Variants in MATN2 observed in about 807,000 individuals in gnomAD.
The protein encoded by MATN2 is matrilin 2.
MATN2 carries 69 observed loss-of-function variants against 103.2 expected under a neutral mutation model. The observed-to-expected ratio is 0.67, with a 90% confidence interval of 0.55 to 0.82. MATN2 has a LOEUF of 0.82. Among genes scored for constraint, MATN2 ranks in the 40% least tolerant of loss-of-function variants. The probability of loss-of-function intolerance (pLI) is 0.00; values close to 1 mark genes in which losing one functional copy is unlikely to be tolerated. For missense variants in MATN2, 1,023 were observed against 1,211.5 expected, an observed-to-expected ratio of 0.84 and a Z score of 2.31; for synonymous variants, 429 against 450.2, an observed-to-expected ratio of 0.95 and a Z score of 0.60.
intron 15 of MATN2, among the ~76,000 whole-genome samples, chr8:98,031,004 G>A (rs1176997641): frequency 2.0e-5 from 3 of 152,102 alleles, no homozygotes; most frequent in African/African-American, 7.2e-5. Flanking sequence ...AAAAAAAAGT[G>A]TCTCCTTCAT....
At chr8:97,970,226 G>A (rs1040683715) in intron 5 of MATN2, among the ~76,000 whole-genome samples, 3 of 152,154 alleles carry the variant, frequency 2.0e-5, no homozygotes, top group Admixed American at 6.5e-5. Flanking sequence ...GGTAGTAATC[G>A]TTGGGTCATT....
At chr8:97,979,872 T>C (rs934342468) in intron 6 of MATN2, among the ~76,000 whole-genome samples, 10 of 152,226 alleles carry the variant, frequency 6.6e-5, no homozygotes. Context: ...GTATTCACTA[T>C]GTAAAACAGG....
chr8:97,964,594 G>A (rs1352030406), intron 5 of MATN2, among the ~76,000 whole-genome samples: 1 of 150,728 alleles, frequency 6.6e-6, no homozygotes, highest in Non-Finnish European at 1.5e-5. Context: ...GTGCACCACT[G>A]TGCCCAGCTA....
chr8:97,917,458 C>A (rs73698692), intron 2 of MATN2, among the ~76,000 whole-genome samples: 16,217 of 152,222 alleles, frequency 0.11, 2,885 homozygotes, highest in African/African-American at 0.37. Context: ...TTGAGAGAAG[C>A]ACACGGTGCC....
At chr8:97,964,685 T>C (rs981053767) in intron 5 of MATN2, among the ~76,000 whole-genome samples, 6 of 152,146 alleles carry the variant, frequency 3.9e-5, no homozygotes, top group African/African-American at 1.2e-4. Context: ...TCCTCCTGCC[T>C]TGGCCTCCCA....
At chr8:97,886,069 C>T (rs1044910682) in intron 1 of MATN2, among the ~76,000 whole-genome samples, 1 of 152,110 alleles carries the variant, frequency 6.6e-6, no homozygotes, top group Admixed American at 6.6e-5. Context: ...TGCTGCTGCA[C>T]AAATTAAGGC....
rs373744372 is a variant in MATN2, at chr8:97,967,040, A to C, written c.958+5510A>C. Among the ~76,000 whole-genome samples, 5 of 152,290 alleles carry C rather than the reference A, an allele frequency of 3.3e-5. No individual in the cohort carries two copies. The East Asian group carries it at 5.8e-4, about 18-fold the overall frequency. The stretch of plus-strand genomic sequence containing the variant: ...CGGAGCAGGCATGTCACATGGTGAG[A>C]GCAGGAGCAAGAGGTAGGGGGAGGT... On this transcript the variant is annotated intron_variant, in intron 5 of 18. Coordinates refer to ENST00000254898, the MANE Select transcript of MATN2 (RefSeq NM_002380.5).
chr8:98,003,535 C>T lies in MATN2; in HGVS notation c.1205-126C>T, dbSNP rs114175284. On this transcript the variant is annotated intron_variant, in intron 7 of 18. Coordinates refer to ENST00000254898, the MANE Select transcript of MATN2 (RefSeq NM_002380.5). ...AGACAAACGAATGAATGATCCGTCC[C>T]GGCTTGCCTCAGCAGGCAGCACCCA... The T allele has an allele frequency of 4.2e-4, 421 of 993,594 alleles. 3 individuals are homozygous for T. In the African/African-American group the frequency reaches 6.3e-3, roughly 15 times the overall value. 61.5% of individuals were successfully genotyped at this position (993,594 alleles called of 1,614,324 possible).
At chr8:97,965,647 A>C (rs1224624961) in intron 5 of MATN2, among the ~76,000 whole-genome samples, 1 of 152,164 alleles carries the variant, frequency 6.6e-6, no homozygotes, top group Non-Finnish European at 1.5e-5. Context: ...TAACCTGGGC[A>C]ACATAGTGAG....
intron 8 of MATN2, 114 bp from the exon 9 acceptor site, chr8:98,006,991 G>A (rs1812993504): frequency 1.8e-6 from 2 of 1,132,644 alleles, no homozygotes; most frequent in East Asian, 5.2e-5. Flanking sequence ...ATGTGGGGTA[G>A]AATGACACCT....
At chr8:97,959,650 A>G (rs1423841149) in intron 4 of MATN2, among the ~76,000 whole-genome samples, 1 of 152,190 alleles carries the variant, frequency 6.6e-6, no homozygotes, top group Non-Finnish European at 1.5e-5. Flanking sequence ...TTGGGAGTGA[A>G]ACTTCTTTTA....
rs141094782 is a variant in MATN2 at position 98,006,768 on chromosome 8, T to G, written c.1328-337T>G. Reference sequence around the variant, plus strand: ...TTCCCCAGCCATTGGAGTTGTATGCTTTACCCTTCAAAGAAAGAAATGGGA... The same window carrying G: ...TTCCCCAGCCATTGGAGTTGTATGCGTTACCCTTCAAAGAAAGAAATGGGA... On this transcript the variant is annotated intron_variant, in intron 8 of 18. Coordinates refer to ENST00000254898, the MANE Select transcript of MATN2 (RefSeq NM_002380.5). Among the ~76,000 whole-genome samples the G allele has an allele frequency of 4.2e-3, 635 of 152,264 alleles. 7 individuals carry two copies. Among genetic ancestry groups the G allele is most frequent in the African/African-American group, 0.014 (581 of 41,546 alleles).
chr8:98,030,024 C>T (rs957698845), intron 14 of MATN2, among the ~76,000 whole-genome samples: 3 of 152,198 alleles, frequency 2.0e-5, no homozygotes, highest in Non-Finnish European at 4.4e-5. Flanking sequence ...TTCACTTGGC[C>T]TCAGGTCACT....
chr8:98,020,449 A>G (rs1813547122), intron 12 of MATN2, among the ~76,000 whole-genome samples: 1 of 152,134 alleles, frequency 6.6e-6, no homozygotes, highest in Admixed American at 6.5e-5. Context: ...CCCAGCCCTC[A>G]TGCTTTTCTT....
intron 3 of MATN2, among the ~76,000 whole-genome samples, chr8:97,935,819 G>C (rs1206675205): frequency 6.6e-6 from 1 of 152,202 alleles, no homozygotes; most frequent in Non-Finnish European, 1.5e-5. Context: ...GTGAGCCTAG[G>C]CATTCTGCAG....
chr8:97,996,564 G>A (rs1027771199), intron 7 of MATN2, among the ~76,000 whole-genome samples: 1 of 152,166 alleles, frequency 6.6e-6, no homozygotes, highest in Non-Finnish European at 1.5e-5. Flanking sequence ...AAAGGCCAGT[G>A]TCCTCATCAG....
chr8:97,942,050 T>C (rs968504638), intron 4 of MATN2, among the ~76,000 whole-genome samples, 151 bp downstream of exon 4: 1 of 152,226 alleles, frequency 6.6e-6, no homozygotes, highest in Non-Finnish European at 1.5e-5. Context: ...TATTTTCTGT[T>C]GACCCCATCA....
rs182385261 is a variant in MATN2 at position 98,023,017 on chromosome 8, G to T, written c.1942+1690G>T. On this transcript the variant is annotated intron_variant, in intron 13 of 18. Transcript: ENST00000254898. ...GCAGGAGAATTGCTTGAACCTGGGA[G>T]GCGGAGGTTGCAGTGAGCTGAGATT... is the stretch of plus-strand genomic sequence containing the variant. 9.9e-3 allele frequency among the ~76,000 whole-genome samples: 1,501 copies of T among 152,298 alleles called. 19 individuals are homozygous for T. The highest frequency in any genetic ancestry group is 0.034 in the African/African-American group (1,414 of 41,558).
chr8:97,931,593 T>A lies in MATN2; in HGVS notation c.712+71T>A. On this transcript the variant is annotated intron_variant, in intron 3 of 18. Coordinates refer to ENST00000254898, the MANE Select transcript of MATN2 (RefSeq NM_002380.5). This position sits in a 1 kb window ranked among gnomAD's most constrained non-coding sequence, Gnocchi z 4.1. Reference sequence around the variant, plus strand: ...TCATTCATTCATCTTCAAGTGTTCATTCTGTGTTACTATGTCCCAGGTACT... The same window carrying A: ...TCATTCATTCATCTTCAAGTGTTCAATCTGTGTTACTATGTCCCAGGTACT... The A allele has an allele frequency of 7.1e-7, 1 of 1,414,170 alleles. No individual in the cohort carries two copies. The highest frequency in any genetic ancestry group is 9.5e-7 in the Non-Finnish European group (1 of 1,049,164). 87.6% of individuals were successfully genotyped at this position (1,414,170 alleles called of 1,614,324 possible).
Sources: allele counts gnomAD v4.1 joint callset (sites outside exome capture counted in the v4.1 genomes callset), GRCh38; gene constraint gnomAD v4.1.1; non-coding constraint Gnocchi (gnomAD v3.1); transcripts MANE v1.5; gene names NCBI Gene and HGNC (gene_info 2026-07-23, HGNC 2026-07-21).